Variants in INPP4B observed in about 807,000 individuals in gnomAD.
The protein encoded by INPP4B is inositol polyphosphate 4-phosphatase type II.
A neutral mutation model predicts 122.5 loss-of-function variants in INPP4B; 55 were observed. The observed-to-expected ratio is 0.45, with a 90% CI of 0.36 to 0.56. The LOEUF is 0.56. Ranked by LOEUF, INPP4B falls within the 20% of genes least tolerant of loss-of-function variation. The pLI, the probability that INPP4B is intolerant of heterozygous loss-of-function variation, is 0.00. For missense variants in INPP4B, 1,000 were observed against 1,097.7 expected, an observed-to-expected ratio of 0.91 and a Z score of 1.26; for synonymous variants, 403 against 388.7, an observed-to-expected ratio of 1.04 and a Z score of -0.43.
intron 1 of INPP4B, among the ~76,000 whole-genome samples, chr4:142,817,530 C>T (rs1780255445): frequency 1.3e-5 from 2 of 152,108 alleles, no homozygotes; most frequent in African/African-American, 2.4e-5. Context: ...ATCCAATTCA[C>T]CTCCTTTCCA....
intron 2 of INPP4B, among the ~76,000 whole-genome samples, chr4:142,635,982 C>T (rs1432838637): frequency 6.6e-6 from 1 of 152,094 alleles, no homozygotes; most frequent in East Asian, 1.9e-4. Flanking sequence ...CAAATTTCAC[C>T]TTGAATTATA....
At chr4:142,601,754 G>A (rs1739987722) in intron 2 of INPP4B, among the ~76,000 whole-genome samples, 1 of 151,918 alleles carries the variant, frequency 6.6e-6, no homozygotes, top group South Asian at 2.1e-4. Context: ...CAGATCATGA[G>A]GTCAGGAGAT....
At chr4:142,164,341 A>T (rs192031564) in intron 16 of INPP4B, among the ~76,000 whole-genome samples, 1 of 152,010 alleles carries the variant, frequency 6.6e-6, no homozygotes, top group African/African-American at 2.4e-5. Flanking sequence ...CGCTGAAAAA[A>T]CATTTAAGGC....
chr4:142,417,764 G>T (rs1290496885), intron 5 of INPP4B, among the ~76,000 whole-genome samples: 2 of 152,026 alleles, frequency 1.3e-5, no homozygotes, highest in African/African-American at 4.8e-5. Flanking sequence ...AATTTTTCAG[G>T]ATTTTTGAGG....
chr4:142,748,025 A>T (rs1282465213), intron 1 of INPP4B, among the ~76,000 whole-genome samples: 2 of 152,150 alleles, frequency 1.3e-5, no homozygotes, highest in Non-Finnish European at 2.9e-5. Flanking sequence ...GTATAATTTT[A>T]AAAAACTTAA....
At chr4:142,723,745 T>C (rs547135881) in intron 2 of INPP4B, among the ~76,000 whole-genome samples, 19 of 152,260 alleles carry the variant, frequency 1.2e-4, no homozygotes, top group Admixed American at 1.2e-3. Context: ...CCTTCACTAG[T>C]ATGTCTTAAA....
intron 1 of INPP4B, among the ~76,000 whole-genome samples, chr4:142,745,544 C>T (rs1768591192): frequency 1.3e-5 from 2 of 151,854 alleles, no homozygotes; most frequent in Admixed American, 6.6e-5. Flanking sequence ...CAAAACCTAA[C>T]ATATTTACTA....
chr4:142,325,974 T>C (rs1478061112), intron 7 of INPP4B, among the ~76,000 whole-genome samples: 2 of 152,212 alleles, frequency 1.3e-5, no homozygotes, highest in African/African-American at 4.8e-5. Context: ...GACATCACCT[T>C]CCTTTATCAG....
chr4:142,112,497 G>C (rs201872943), intron 22 of INPP4B, 45 bp downstream of exon 22: 1 of 1,605,306 alleles, frequency 6.2e-7, no homozygotes, highest in Non-Finnish European at 8.5e-7. Context: ...ATGCTTAAAA[G>C]GAACAAAGAA....
chr4:142,339,675 C>T (rs1778018666), intron 7 of INPP4B, among the ~76,000 whole-genome samples: 1 of 152,078 alleles, frequency 6.6e-6, no homozygotes, highest in Non-Finnish European at 1.5e-5. Flanking sequence ...TGAAAGGAGA[C>T]ATTATTTTGT....
chr4:142,522,829 G>A (rs761580049), intron 2 of INPP4B, among the ~76,000 whole-genome samples: 1 of 152,034 alleles, frequency 6.6e-6, no homozygotes, highest in Non-Finnish European at 1.5e-5. Flanking sequence ...TATAAATGAA[G>A]CTAATACAAC....
chr4:142,697,347 A>G (rs986489563), intron 2 of INPP4B, among the ~76,000 whole-genome samples: 2 of 152,180 alleles, frequency 1.3e-5, no homozygotes, highest in Non-Finnish European at 2.9e-5. Context: ...CTGAGTTGCC[A>G]TTCATAAAAA....
At chr4:142,510,322 T>C (rs1012443898) in intron 2 of INPP4B, among the ~76,000 whole-genome samples, 8 of 152,168 alleles carry the variant, frequency 5.3e-5, no homozygotes, top group Admixed American at 4.6e-4. Flanking sequence ...ATACTCTCCC[T>C]AGAGGAATTA....
rs569755403 is a variant in INPP4B, at chr4:142,436,079, G to T, written c.-126-4694C>A. ...ACTTTACCCCTGCTGAAGCCAGGGAGGCTGGACGACTGGGTCCCGAGAGGT... is the reference window on the plus strand; with the variant it reads ...ACTTTACCCCTGCTGAAGCCAGGGATGCTGGACGACTGGGTCCCGAGAGGT... On this transcript the variant is annotated intron_variant, in intron 3 of 25. Coordinates refer to ENST00000262992, the MANE Select transcript of INPP4B (RefSeq NM_001101669.3). 5.7e-4 allele frequency among the ~76,000 whole-genome samples: 87 copies of T among 152,328 alleles called. No individual in the cohort carries two copies. In the Middle Eastern group the frequency reaches 0.034, roughly 60 times the overall value.
At chr4:142,501,656 A>C (rs1333183803) in intron 2 of INPP4B, among the ~76,000 whole-genome samples, 1 of 152,120 alleles carries the variant, frequency 6.6e-6, no homozygotes, top group Non-Finnish European at 1.5e-5. Flanking sequence ...GCAAAGTGAC[A>C]ATTAAATAAT....
intron 14 of INPP4B, among the ~76,000 whole-genome samples, chr4:142,199,958 C>T (rs1158701743): frequency 6.6e-6 from 1 of 151,944 alleles, no homozygotes; most frequent in Admixed American, 6.6e-5. Context: ...CCTTTTTCTG[C>T]TTAAACTTTT....
chr4:142,757,643 C>T (rs918866698), intron 1 of INPP4B, among the ~76,000 whole-genome samples: 3 of 152,130 alleles, frequency 2.0e-5, no homozygotes, highest in African/African-American at 7.2e-5. Flanking sequence ...GAATAATTTT[C>T]CATTGTCTGG....
intron 14 of INPP4B, chr4:142,202,788 CA>C: frequency 6.1e-6 from 6 of 985,290 alleles, no homozygotes; most frequent in Non-Finnish European, 7.2e-6. Flanking sequence ...CAAACAAAAA[CA>C]ATGAGAGTGG....
intron 3 of INPP4B, among the ~76,000 whole-genome samples, chr4:142,447,085 T>C (rs910356340): frequency 3.9e-5 from 6 of 152,178 alleles, no homozygotes; most frequent in Non-Finnish European, 8.8e-5. Context: ...GGCAGAGTCA[T>C]GTGTTGAGAG....
Sources: gnomAD v4.1 joint callset for allele counts (sites outside exome capture counted in the v4.1 genomes callset) on GRCh38, gnomAD v4.1.1 for gene constraint, MANE v1.5 for transcripts, NCBI Gene and HGNC (gene_info 2026-07-23, HGNC 2026-07-21) for gene names.